The following PARD3 variants were observed in gnomAD, a reference collection of about 807,000 sequenced individuals.
The protein encoded by PARD3 is par-3 family cell polarity regulator, also known as partitioning defective 3 homolog.
Under a neutral mutation model 155.4 loss-of-function variants are expected in PARD3, and 75 were observed. That is an observed-to-expected ratio of 0.48 (90% CI 0.40 to 0.58). PARD3 has a LOEUF of 0.58. PARD3 is among the 20% of genes least tolerant of loss of function. PARD3 has a pLI of 0.00. For missense variants in PARD3, 1,642 were observed against 1,721.7 expected, an observed-to-expected ratio of 0.95 and a Z score of 0.82; for synonymous variants, 576 against 610.5, an observed-to-expected ratio of 0.94 and a Z score of 0.83.
Position 34,470,262 on chromosome 10 carries a change from A to C in PARD3, c.405T>G (p.Asn135Lys), listed in dbSNP as rs1472076513. 2 of 1,586,044 alleles carry C rather than the reference A, an allele frequency of 1.3e-6. No homozygotes were observed. The highest frequency in any genetic ancestry group is 1.7e-6 in the Non-Finnish European group (2 of 1,164,738). The change falls in exon 4 of 25, where the codon AAT (asparagine) becomes AAG (lysine). Residue 135 changes from asparagine (N) to lysine (K), a missense_variant and splice_region_variant. By Grantham distance (94) the Asn-to-Lys change is moderately conservative. Transcript: ENST00000374788. ...TACTGCGTCGAACATGAAGAGGCAT[A>C]TCTGTAAACACAAAAGCACTATGCT... ...IEVTPSVLRA[N>K]MPLHVRRSSD...
At chr10:34,656,183 T>C (rs1040861746) in intron 2 of PARD3, among the ~76,000 whole-genome samples, 5 of 152,152 alleles carry the variant, frequency 3.3e-5, no homozygotes, top group South Asian at 2.1e-4. Flanking sequence ...ACCACAAAAA[T>C]TGTAATGTTA....
At chr10:34,584,001 T>C (rs2087755181) in intron 2 of PARD3, among the ~76,000 whole-genome samples, 1 of 152,236 alleles carries the variant, frequency 6.6e-6, no homozygotes. Flanking sequence ...TAAATCATCA[T>C]TTATTAGAGC....
intron 22 of PARD3, among the ~76,000 whole-genome samples, chr10:34,205,458 T>A (rs991081910): frequency 3.9e-5 from 6 of 152,162 alleles, no homozygotes; most frequent in Non-Finnish European, 7.3e-5. Flanking sequence ...TTTTAAAAAA[T>A]TATTTTAAGA....
intron 14 of PARD3, among the ~76,000 whole-genome samples, chr10:34,353,715 A>AT (rs201032618): frequency 0.023 from 2,037 of 89,994 alleles, 21 homozygotes; most frequent in African/African-American, 0.11. Context: ...TGATCAATAA[A>AT]TAAATAAATA....
At chr10:34,257,754 C>T (rs1954735944) in intron 22 of PARD3, among the ~76,000 whole-genome samples, 2 of 152,200 alleles carry the variant, frequency 1.3e-5, no homozygotes, top group Non-Finnish European at 1.5e-5. Flanking sequence ...ATTACTTCTA[C>T]AAACAAATTG....
intron 5 of PARD3, among the ~76,000 whole-genome samples, chr10:34,429,151 T>C (rs2075771446): frequency 6.6e-6 from 1 of 152,160 alleles, no homozygotes; most frequent in Non-Finnish European, 1.5e-5. Context: ...GAAAAAGACT[T>C]AGTTTCTATG....
intron 22 of PARD3, among the ~76,000 whole-genome samples, chr10:34,257,257 T>C (rs1954702157): frequency 6.6e-6 from 1 of 152,190 alleles, no homozygotes; most frequent in African/African-American, 2.4e-5. Context: ...TCCACATAAA[T>C]CCTCATGAAT....
At chr10:34,592,004 C>G (rs539761750) in intron 2 of PARD3, among the ~76,000 whole-genome samples, 3 of 152,282 alleles carry the variant, frequency 2.0e-5, no homozygotes, top group East Asian at 1.9e-4. Context: ...TTAGAACACA[C>G]TCCAGTAAAC....
intron 14 of PARD3, among the ~76,000 whole-genome samples, chr10:34,355,933 A>AAAAAC (rs1564622315): frequency 1.6e-5 from 2 of 128,254 alleles, no homozygotes; most frequent in South Asian, 4.4e-4. Flanking sequence ...TCAAAAAAAA[A>AAAAAC]AAAAAAAAAA....
chr10:34,229,378 C>G (rs972851499), intron 22 of PARD3, among the ~76,000 whole-genome samples: 1 of 151,862 alleles, frequency 6.6e-6, no homozygotes, highest in African/African-American at 2.4e-5. Flanking sequence ...TACCACTATG[C>G]GCAGCTAATT....
Position 34,341,667 on chromosome 10 carries a change from C to G in PARD3, c.2368G>C (p.Gly790Arg). 2 of 1,613,790 alleles carry G rather than the reference C, an allele frequency of 1.2e-6. No homozygotes were observed. The highest frequency in any genetic ancestry group is 1.7e-6 in the Non-Finnish European group (2 of 1,179,870). ...CTGATTGCAGCCTTGGCCCAAGTACCAGCATCTGCCGTCACAAACCCCACA... is the reference window on the plus strand; with the variant it reads ...CTGATTGCAGCCTTGGCCCAAGTACGAGCATCTGCCGTCACAAACCCCACA... ...DDVGFVTADA[G>R]TWAKAAISDS... is the part of the protein sequence containing the mutation. The change falls in exon 16 of 25, where the codon GGT (glycine) becomes CGT (arginine). Residue 790 changes from glycine (G) to arginine (R), a missense_variant. Gly to Arg is a moderately radical substitution (Grantham distance 125, BLOSUM62 -2). Transcript: ENST00000374788.
At chr10:34,648,945 G>T (rs2092925602) in intron 2 of PARD3, among the ~76,000 whole-genome samples, 2 of 152,038 alleles carry the variant, frequency 1.3e-5, no homozygotes, top group African/African-American at 2.4e-5. Context: ...CCAAACAAGG[G>T]ACACCATCAT....
At chr10:34,124,579 A>C (rs1014593798) in intron 23 of PARD3, among the ~76,000 whole-genome samples, 2 of 152,096 alleles carry the variant, frequency 1.3e-5, no homozygotes, top group Admixed American at 1.3e-4. Context: ...TTCCGCACCC[A>C]CCCACACATG....
intron 1 of PARD3, among the ~76,000 whole-genome samples, chr10:34,777,531 A>G (rs1263372651): frequency 6.6e-6 from 1 of 152,054 alleles, no homozygotes; most frequent in East Asian, 1.9e-4. Context: ...TGCTCATTAG[A>G]CATTTGGATA....
At chr10:34,481,809 A>T (rs2079097387) in intron 3 of PARD3, among the ~76,000 whole-genome samples, 1 of 151,884 alleles carries the variant, frequency 6.6e-6, no homozygotes, top group Non-Finnish European at 1.5e-5. Flanking sequence ...AAAAAAAATC[A>T]CTCTAAAGTG....
intron 22 of PARD3, among the ~76,000 whole-genome samples, chr10:34,161,923 G>C (rs1426251949): frequency 6.6e-6 from 1 of 152,190 alleles, no homozygotes; most frequent in Non-Finnish European, 1.5e-5. Flanking sequence ...ACCAAACAGG[G>C]AAAGAGCCCA....
At chr10:34,462,427 A>G (rs971508494) in intron 4 of PARD3, among the ~76,000 whole-genome samples, 1 of 152,224 alleles carries the variant, frequency 6.6e-6, no homozygotes, top group Admixed American at 6.5e-5. Context: ...CAGAACATAA[A>G]GGGAAAAAAA....
chr10:34,526,655 G>C (rs1286037313), intron 2 of PARD3, among the ~76,000 whole-genome samples: 3 of 152,112 alleles, frequency 2.0e-5, no homozygotes, highest in African/African-American at 7.2e-5. Context: ...GGTTCCACGG[G>C]TGGGGAGCCC....
intron 22 of PARD3, among the ~76,000 whole-genome samples, chr10:34,204,740 C>T (rs1213314864): frequency 1.3e-5 from 2 of 152,146 alleles, no homozygotes. Flanking sequence ...ATTTTCAAAT[C>T]ATCTTTCTTG....
Sources: gnomAD v4.1 joint callset for allele counts (sites outside exome capture counted in the v4.1 genomes callset) on GRCh38, gnomAD v4.1.1 for gene constraint, MANE v1.5 for transcripts, NCBI Gene and HGNC (gene_info 2026-07-23, HGNC 2026-07-21) for gene names.